Variants in UBE2K observed in about 807,000 individuals in gnomAD.
UBE2K encodes the protein ubiquitin conjugating enzyme E2 K.
A neutral mutation model predicts 30.0 loss-of-function variants in UBE2K; 6 were observed. The observed-to-expected ratio is 0.20, with a 90% CI of 0.11 to 0.39. UBE2K has a LOEUF of 0.39. Among genes scored for constraint, UBE2K ranks in the 10% least tolerant of loss-of-function variants. The probability of loss-of-function intolerance (pLI) is 1.00; values close to 1 mark genes in which losing one functional copy is unlikely to be tolerated. For synonymous variants in UBE2K, 86 were observed against 83.7 expected (o/e 1.03, Z -0.15); for missense variants, 61 against 241.6 (o/e 0.25, Z 4.96).
rs1429776132 is a variant in UBE2K at position 39,782,688 on chromosome 4, C to T, written c.*4254C>T. 1 of 152,140 alleles carries T rather than the reference C, an allele frequency of 6.6e-6. No individual in the cohort carries two copies. The highest frequency in any genetic ancestry group is 1.5e-5 in the Non-Finnish European group (1 of 68,022). 9.4% of individuals were successfully genotyped at this position (152,140 alleles called of 1,614,324 possible). ...TTAAAAACTACGAAACACTTTTGTA[C>T]ACAACTGATTTTTTAAAAAATAAAC... On this transcript the variant is annotated 3_prime_UTR_variant, in exon 7 of 7. Transcript: ENST00000261427.
intron 1 of UBE2K, among the ~76,000 whole-genome samples, chr4:39,718,093 A>G (rs1227712060): frequency 1.3e-5 from 2 of 152,168 alleles, no homozygotes; most frequent in Non-Finnish European, 2.9e-5. Flanking sequence ...CTGCTGGCTC[A>G]GGCAGCCTGT....
intron 1 of UBE2K, among the ~76,000 whole-genome samples, chr4:39,713,223 G>A (rs983222030): frequency 5.4e-5 from 8 of 148,166 alleles, no homozygotes; most frequent in Non-Finnish European, 1.2e-4. Context: ...GGCAACAAGA[G>A]TGAAATTTCA....
In UBE2K at chr4:39,758,011, G is replaced by A. The variant is rs528290966; in HGVS notation, c.299+2272G>A. On this transcript the variant is annotated intron_variant, in intron 4 of 6. Transcript: ENST00000261427. The stretch of plus-strand genomic sequence containing the variant: ...CTCACAAATTATCTTCCCTGAACTT[G>A]AGACTCCTATCCTGCTGCCTGCTTA... Among the ~76,000 whole-genome samples the A allele has an allele frequency of 1.6e-4, 25 of 152,210 alleles. No homozygotes were observed. In the South Asian group the frequency reaches 5.0e-3, roughly 30 times the overall value.
intron 4 of UBE2K, among the ~76,000 whole-genome samples, chr4:39,769,608 C>T (rs1346628087): frequency 1.4e-5 from 2 of 146,012 alleles, no homozygotes; most frequent in Non-Finnish European, 3.0e-5. Flanking sequence ...TTTCCCCTTA[C>T]CACTCCCTCA....
Position 39,774,530 on chromosome 4 carries a change from G to T in UBE2K, c.300-304G>T, listed in dbSNP as rs1042771573. Among the ~76,000 whole-genome samples, 8 of 151,602 alleles carry T rather than the reference G, an allele frequency of 5.3e-5. No individual in the cohort carries two copies. The South Asian group carries it at 1.7e-3, about 32-fold the overall frequency. On this transcript the variant is annotated intron_variant, in intron 4 of 6. Coordinates refer to ENST00000261427, the MANE Select transcript of UBE2K (RefSeq NM_005339.5). ...CTGAAGGCTGAGGCAGGAGAATGGCGTGAACCCGGGAGGCGGAGCTTGCAG... is the reference window on the plus strand; with the variant it reads ...CTGAAGGCTGAGGCAGGAGAATGGCTTGAACCCGGGAGGCGGAGCTTGCAG...
intron 1 of UBE2K, among the ~76,000 whole-genome samples, chr4:39,725,961 T>C (rs181608051): frequency 1.2e-4 from 18 of 151,944 alleles, no homozygotes; most frequent in Admixed American, 1.0e-3. Flanking sequence ...TAAAATAGTA[T>C]TGTAAATATT....
intron 1 of UBE2K, among the ~76,000 whole-genome samples, chr4:39,730,316 C>T (rs1407442791): frequency 6.6e-6 from 1 of 152,062 alleles, no homozygotes; most frequent in Non-Finnish European, 1.5e-5. Flanking sequence ...TCCTGAATAG[C>T]TGGGATTACA....
At chr4:39,744,114 C>T (rs1560362447) in intron 2 of UBE2K, among the ~76,000 whole-genome samples, 1 of 152,184 alleles carries the variant, frequency 6.6e-6, no homozygotes, top group Non-Finnish European at 1.5e-5. Context: ...CTGCCCACCT[C>T]AGCCTCCCAA....
rs577280795 is a variant in UBE2K at position 39,706,791 on chromosome 4, A to T, written c.63+8401A>T. 3.9e-5 allele frequency among the ~76,000 whole-genome samples: 6 copies of T among 152,090 alleles called. No individual in the cohort carries two copies. The South Asian group carries it at 6.2e-4, about 16-fold the overall frequency. On this transcript the variant is annotated intron_variant, in intron 1 of 6. Transcript: ENST00000261427. Reference sequence around the variant, plus strand: ...TTATTAACAGTTACCGAACATGTTGACCACAGCCCCAAAAGGCTTAATTGG... The same window carrying T: ...TTATTAACAGTTACCGAACATGTTGTCCACAGCCCCAAAAGGCTTAATTGG...
At chr4:39,726,276 G>A (rs539138284) in intron 1 of UBE2K, among the ~76,000 whole-genome samples, 7 of 152,312 alleles carry the variant, frequency 4.6e-5, no homozygotes, top group Admixed American at 3.9e-4. Flanking sequence ...GATTACAGGC[G>A]TGAGCCATCG....
chr4:39,712,909 A>G (rs1718793554), intron 1 of UBE2K, among the ~76,000 whole-genome samples: 1 of 148,906 alleles, frequency 6.7e-6, no homozygotes, highest in Non-Finnish European at 1.5e-5. Context: ...TTTGTCGCCC[A>G]GACTGGAGTG....
intron 1 of UBE2K, among the ~76,000 whole-genome samples, chr4:39,723,156 AC>A (rs1203225131): frequency 1.3e-5 from 2 of 148,996 alleles, no homozygotes; most frequent in Non-Finnish European, 3.0e-5. Context: ...GAATCCTCCC[AC>A]CTCAGCCTCC....
In UBE2K at chr4:39,724,646, G is replaced by A. The variant is rs1033702147; in HGVS notation, c.64-12774G>A. Among the ~76,000 whole-genome samples the A allele has an allele frequency of 2.7e-5, 4 of 149,104 alleles. No individual in the cohort carries two copies. In the Admixed American group the frequency reaches 2.7e-4, roughly 10 times the overall value. ...AGCTAGGCATGGTAAGTGCATGCCT[G>A]TAGGCCCAGCTACTTGGGGGGGCTG... On this transcript the variant is annotated intron_variant, in intron 1 of 6. Transcript: ENST00000261427.
rs1560386132 is a variant in UBE2K, at chr4:39,780,425, G to A, written c.*1991G>A. On this transcript the variant is annotated 3_prime_UTR_variant, in exon 7 of 7. Coordinates refer to ENST00000261427, the MANE Select transcript of UBE2K (RefSeq NM_005339.5). ...ATCAGGGTATATTTAATTGTCCTGT[G>A]GTTAAACAAAGGTGAGAGAGCTCAG... 6.6e-6 allele frequency: 1 copy of A among 152,022 alleles called. No homozygotes were observed. The highest frequency in any genetic ancestry group is 1.5e-5 in the Non-Finnish European group (1 of 67,954). The allele number at this position is 152,022 out of a possible 1,614,324, so 9.4% of individuals were successfully genotyped here.
At chr4:39,737,823 C>G (rs562178218) in intron 2 of UBE2K, among the ~76,000 whole-genome samples, 2 of 152,292 alleles carry the variant, frequency 1.3e-5, no homozygotes, top group East Asian at 1.9e-4. Flanking sequence ...TGTAGACACT[C>G]AGTTACCCTT....
intron 1 of UBE2K, among the ~76,000 whole-genome samples, chr4:39,707,719 T>G (rs1718447631): frequency 6.6e-6 from 1 of 151,084 alleles, no homozygotes; most frequent in Admixed American, 6.6e-5. Flanking sequence ...GGGGTCTCAT[T>G]GTGTTGCCCA....
intron 1 of UBE2K, among the ~76,000 whole-genome samples, chr4:39,728,107 C>T (rs73240672): frequency 0.1 from 15,706 of 151,760 alleles, 1,092 homozygotes; most frequent in East Asian, 0.22. Context: ...GCATTTCAGC[C>T]TGGGCGACAG....
chr4:39,765,908 T>C (rs200480887), intron 4 of UBE2K, among the ~76,000 whole-genome samples: 4 of 149,640 alleles, frequency 2.7e-5, no homozygotes, highest in East Asian at 2.0e-4. Flanking sequence ...AGGATATATA[T>C]ATACATACAT....
At chr4:39,770,915 A>C (rs1167338448) in intron 4 of UBE2K, 1 of 1,084,136 alleles carries the variant, frequency 9.2e-7, no homozygotes, top group Non-Finnish European at 1.3e-6. Flanking sequence ...GCAGGAGTGG[A>C]GGGGATAGAG....
Sources: gnomAD v4.1 joint callset for allele counts (sites outside exome capture counted in the v4.1 genomes callset) on GRCh38, gnomAD v4.1.1 for gene constraint, MANE v1.5 for transcripts, NCBI Gene and HGNC (gene_info 2026-07-23, HGNC 2026-07-21) for gene names.